The following MGRN1 variants were observed in gnomAD, a reference collection of about 807,000 sequenced individuals.
The protein encoded by MGRN1 is mahogunin ring finger 1, also known as E3 ubiquitin-protein ligase MGRN1.
A neutral mutation model predicts 69.2 loss-of-function variants in MGRN1; 29 were observed. The observed-to-expected ratio is 0.42, with a 90% CI of 0.31 to 0.57. The LOEUF is 0.57. Among genes scored for constraint, MGRN1 ranks in the 20% least tolerant of loss-of-function variants. The pLI, the probability that MGRN1 is intolerant of heterozygous loss-of-function variation, is 0.15. For missense variants in MGRN1, 998 were observed against 796.2 expected (o/e 1.25, Z -3.05); for synonymous variants, 470 against 344.2 (o/e 1.37, Z -4.04).
chr16:4,662,966 C>T (rs1326055842), intron 5 of MGRN1, among the ~76,000 whole-genome samples: 2 of 152,202 alleles, frequency 1.3e-5, no homozygotes, highest in Admixed American at 6.5e-5. Flanking sequence ...GTCAGTGAGG[C>T]CTGTGGTCGG....
intron 1 of MGRN1, among the ~76,000 whole-genome samples, chr16:4,642,466 T>TTGTGTGTGTGTGTGTGTGTGTGTG (rs143119735): frequency 8.3e-4 from 117 of 141,814 alleles, no homozygotes; most frequent in African/African-American, 3.0e-3. Flanking sequence ...GCCAGCTAAT[T>TTGTGTGTGTGTGTGTGTGTGTGTG]TGTGTGTGTG....
intron 5 of MGRN1, among the ~76,000 whole-genome samples, chr16:4,660,601 CA>C (rs1181634594): frequency 6.6e-6 from 1 of 152,204 alleles, no homozygotes; most frequent in Non-Finnish European, 1.5e-5. Context: ...AAGGGGTGGG[CA>C]GGGGCGCGGG....
chr16:4,681,519 A>G, intron 12 of MGRN1, 31 bp from the exon 13 acceptor site: 6 of 1,582,516 alleles, frequency 3.8e-6, no homozygotes, highest in Non-Finnish European at 5.2e-6. Flanking sequence ...GTCCCTGGGC[A>G]TGAGCCCCCT....
chr16:4,639,695 A>G (rs1305168915), intron 1 of MGRN1: 1 of 152,236 alleles, frequency 6.6e-6, no homozygotes, highest in Non-Finnish European at 1.5e-5. Context: ...CCTTTCTGAC[A>G]TGATCTGAGC....
chr16:4,650,279 G>T, intron 1 of MGRN1, 86 bp from the exon 2 acceptor site: 1 of 1,058,300 alleles, frequency 9.4e-7, no homozygotes, highest in Non-Finnish European at 1.4e-6. Context: ...CTCCAGCCTG[G>T]GTGGAGCGCC....
At chr16:4,661,004 C>G in intron 5 of MGRN1, among the ~76,000 whole-genome samples, 1 of 152,100 alleles carries the variant, frequency 6.6e-6, no homozygotes, top group East Asian at 1.9e-4. Context: ...TTTTTTGAGA[C>G]AGGGGCTCAC....
At position 4,627,806 on chromosome 16, in the gene MGRN1, C is replaced by T. The variant is rs539170912; in HGVS notation, c.88+2758C>T. 4.8e-4 allele frequency among the ~76,000 whole-genome samples: 70 copies of T among 144,786 alleles called. 1 individual carries two copies. Among genetic ancestry groups the T allele is most frequent in the African/African-American group, 1.7e-3 (66 of 38,326 alleles). The allele number at this position is 144,786 out of a possible 152,430, so 95.0% of individuals were successfully genotyped here. On this transcript the variant is annotated intron_variant, in intron 1 of 16. Transcript: ENST00000262370. ...CTCCGTCTCAAAAAAAAAGGCTGGG[C>T]GCGGTGGTTCACGCCTGTAATCCCA...
intron 5 of MGRN1, among the ~76,000 whole-genome samples, chr16:4,658,170 C>G (rs2078594955): frequency 6.6e-6 from 1 of 152,112 alleles, no homozygotes; most frequent in African/African-American, 2.4e-5. Context: ...TCCCCCTTTG[C>G]CTTGTTTTCC....
chr16:4,664,601 T>C (rs533079516), intron 5 of MGRN1, 108 bp from the exon 6 acceptor site: 1 of 1,162,870 alleles, frequency 8.6e-7, no homozygotes, highest in Admixed American at 1.7e-5. Context: ...TGAGCTCTGC[T>C]GCTGCCTCCT....
intron 5 of MGRN1, among the ~76,000 whole-genome samples, chr16:4,661,308 G>A (rs868730936): frequency 2.8e-4 from 43 of 152,204 alleles, no homozygotes; most frequent in Admixed American, 2.6e-4. Context: ...GATGTGTGTG[G>A]ACGTTTTCAC....
chr16:4,671,123 CAG>C (rs1491386461), intron 8 of MGRN1, among the ~76,000 whole-genome samples: 2 of 151,296 alleles, frequency 1.3e-5, no homozygotes, highest in African/African-American at 4.9e-5. Context: ...GTGAGGCGGT[CAG>C]GGGGTGGTGG....
chr16:4,642,575 C>T (rs372034504), intron 1 of MGRN1, among the ~76,000 whole-genome samples: 20 of 151,110 alleles, frequency 1.3e-4, no homozygotes, highest in East Asian at 1.2e-3. Context: ...CCGCCCGCCT[C>T]GGCCTCCCAA....
At chr16:4,647,409 C>G (rs1408231074) in intron 1 of MGRN1, among the ~76,000 whole-genome samples, 2 of 152,192 alleles carry the variant, frequency 1.3e-5, no homozygotes, top group Non-Finnish European at 2.9e-5. Context: ...GGGCTATGTT[C>G]AAGGCCCAGG....
chr16:4,667,933 G>C (rs1321518878), intron 7 of MGRN1, among the ~76,000 whole-genome samples: 2 of 152,030 alleles, frequency 1.3e-5, no homozygotes, highest in African/African-American at 2.4e-5. Context: ...GGAGGCCCTT[G>C]TCCATCATCT....
At chr16:4,660,844 C>T (rs1254675948) in intron 5 of MGRN1, among the ~76,000 whole-genome samples, 1 of 152,192 alleles carries the variant, frequency 6.6e-6, no homozygotes, top group Non-Finnish European at 1.5e-5. Flanking sequence ...CCCTGACAGG[C>T]CCCCCAGACC....
intron 11 of MGRN1, among the ~76,000 whole-genome samples, chr16:4,677,896 G>A (rs1164862339): frequency 6.7e-6 from 1 of 148,286 alleles, no homozygotes; most frequent in Non-Finnish European, 1.5e-5. Flanking sequence ...AGGCTGGTGT[G>A]CACCCAAAGT....
At chr16:4,668,852 A>G (rs572070294) in intron 8 of MGRN1, among the ~76,000 whole-genome samples, 19 of 152,290 alleles carry the variant, frequency 1.2e-4, no homozygotes, top group African/African-American at 4.3e-4. Context: ...ATACTCACAC[A>G]CATAAACTCA....
intron 1 of MGRN1, among the ~76,000 whole-genome samples, chr16:4,647,416 C>T (rs1408514166): frequency 6.6e-6 from 1 of 152,180 alleles, no homozygotes; most frequent in Non-Finnish European, 1.5e-5. Context: ...GTTCAAGGCC[C>T]AGGTAATCAG....
chr16:4,677,600 G>A, intron 11 of MGRN1, 28 bp downstream of exon 11: 2 of 1,587,356 alleles, frequency 1.3e-6, no homozygotes, highest in Non-Finnish European at 1.7e-6. Context: ...CCTGCGGGAT[G>A]GGCGGGAGAG....
Sources: gnomAD v4.1 joint callset for allele counts (sites outside exome capture counted in the v4.1 genomes callset) on GRCh38, gnomAD v4.1.1 for gene constraint, MANE v1.5 for transcripts, NCBI Gene and HGNC (gene_info 2026-07-23, HGNC 2026-07-21) for gene names.